The following CLTC variants were observed in gnomAD, a reference collection of about 807,000 sequenced individuals.
CLTC encodes clathrin heavy chain 1.
In CLTC, 16 loss-of-function variants were observed where a neutral mutation model predicts 195.8. That is an observed-to-expected ratio of 0.08 (90% CI 0.06 to 0.12). CLTC has a LOEUF of 0.12. CLTC is among the 10% of genes least tolerant of loss of function. The pLI, the probability that CLTC is intolerant of heterozygous loss-of-function variation, is 1.00. For missense variants in CLTC, 796 were observed against 2,027.0 expected, an observed-to-expected ratio of 0.39 and a Z score of 11.66; for synonymous variants, 667 against 689.4, an observed-to-expected ratio of 0.97 and a Z score of 0.51.
At chr17:59,620,215 G>T (rs201757012) in intron 1 of CLTC, 42 bp downstream of exon 1, 5 of 1,609,944 alleles carry the variant, frequency 3.1e-6, no homozygotes, top group Admixed American at 3.3e-5. Flanking sequence ...GGAGAAGGTG[G>T]TAGGAAGGAT....
chr17:59,661,138 T>G (rs1316440956), intron 7 of CLTC, among the ~76,000 whole-genome samples: 1 of 152,192 alleles, frequency 6.6e-6, no homozygotes, highest in Non-Finnish European at 1.5e-5. Context: ...TCTTACACAC[T>G]GACATTGTAA....
chr17:59,644,447 A>G lies in CLTC; in HGVS notation c.214A>G (p.Ile72Val), dbSNP rs778967128. The part of the protein sequence containing the change: ...IRRPISADSA[I>V]MNPASKVIAL... ...AAGACCAATTTCAGCAGACAGCGCC[A>G]TCATGAATCCAGCTAGCAAAGTAAT... The change falls in exon 2 of 32, where the codon ATC (isoleucine) becomes GTC (valine). Residue 72 changes from isoleucine to valine, a missense_variant. This residue lies in a region of CLTC where 293 missense variants were observed against 795.6 expected (regional missense o/e 0.37). Coordinates refer to ENST00000269122, the MANE Select transcript of CLTC (RefSeq NM_004859.4). 11 of 1,614,140 alleles carry G rather than the reference A, an allele frequency of 6.8e-6. No homozygotes were observed. In the Middle Eastern group the frequency reaches 6.6e-4, roughly 97 times the overall value.
chr17:59,693,698 C>T, intron 31 of CLTC, 30 bp from the exon 32 acceptor site: 3 of 1,601,108 alleles, frequency 1.9e-6, no homozygotes, highest in Middle Eastern at 1.8e-4. Flanking sequence ...GCCCCTGCCC[C>T]CTGCTCCTTT....
intron 1 of CLTC, among the ~76,000 whole-genome samples, chr17:59,631,353 T>C (rs2031709457): frequency 6.6e-6 from 1 of 152,230 alleles, no homozygotes; most frequent in Admixed American, 6.5e-5. Flanking sequence ...CTCTCTGCAT[T>C]AGTGTAGTGT....
intron 2 of CLTC, chr17:59,645,999 GCTTT>G: frequency 1.2e-6 from 1 of 826,436 alleles, no homozygotes. Flanking sequence ...ATTTCTTAAT[GCTTT>G]CTTATGTGTG....
intron 4 of CLTC, among the ~76,000 whole-genome samples, chr17:59,650,173 A>G (rs1206633844): frequency 6.6e-6 from 1 of 152,146 alleles, no homozygotes; most frequent in Non-Finnish European, 1.5e-5. Context: ...GTACTTTTTC[A>G]TTGAGATTAT....
Position 59,677,104 on chromosome 17 carries a change from T to C in CLTC, c.2712T>C (p.Val904=). 6.2e-7 allele frequency: 1 copy of C among 1,614,088 alleles called. No individual in the cohort carries two copies. Among genetic ancestry groups the C allele is most frequent in the Non-Finnish European group, 8.5e-7 (1 of 1,180,006 alleles). The change falls in exon 17 of 32, where the codon GTT becomes GTC. Residue 904 remains valine, a synonymous_variant. Transcript: ENST00000269122. ...AAAATCCCTACTATGACAGTCGCGT[T>C]GTTGGAAAGTATTGTGAGAAGAGAG... is the stretch of plus-strand genomic sequence containing the variant. ...LRENPYYDSR[V]VGKYCEKRDP... is the part of the protein sequence containing the mutation.
At chr17:59,625,274 AT>A (rs201218334) in intron 1 of CLTC, among the ~76,000 whole-genome samples, 179 of 148,274 alleles carry the variant, frequency 1.2e-3, no homozygotes, top group African/African-American at 4.1e-3. Flanking sequence ...ACGCCCAGCT[AT>A]TTTTTTTTTA....
chr17:59,676,077 G>C (rs921475582), intron 16 of CLTC, among the ~76,000 whole-genome samples: 1 of 151,500 alleles, frequency 6.6e-6, no homozygotes, highest in Admixed American at 6.6e-5. Flanking sequence ...GTAGTGGCTT[G>C]TGCCTGTAGT....
intron 5 of CLTC, among the ~76,000 whole-genome samples, chr17:59,653,783 T>G (rs1464093000): frequency 6.6e-6 from 1 of 151,952 alleles, no homozygotes; most frequent in Non-Finnish European, 1.5e-5. Context: ...CTGGTCTTTT[T>G]TTTTTTTTTG....
chr17:59,629,267 C>G (rs991490917), intron 1 of CLTC, among the ~76,000 whole-genome samples: 2 of 152,210 alleles, frequency 1.3e-5, no homozygotes, highest in Admixed American at 1.3e-4. Flanking sequence ...GAAAGAGTCT[C>G]CTTATTAAAA....
In CLTC at chr17:59,665,765, G is replaced by A. The variant is rs564474795; in HGVS notation, c.1645-338G>A. On this transcript the variant is annotated intron_variant, in intron 10 of 31. Transcript: ENST00000269122. ...TGAGGCAGGAGAATCGCTTGAACCCGGGAGGTGGAGGTTGCAGTGAGCTGA... is the reference window on the plus strand; with the variant it reads ...TGAGGCAGGAGAATCGCTTGAACCCAGGAGGTGGAGGTTGCAGTGAGCTGA... Among the ~76,000 whole-genome samples, 8 of 152,210 alleles carry A rather than the reference G, an allele frequency of 5.3e-5. No individual in the cohort carries two copies. In the East Asian group the frequency reaches 1.2e-3, roughly 22 times the overall value.
In CLTC at chr17:59,681,623, C is replaced by G. The variant is rs200150712; in HGVS notation, c.3250-24C>G. On this transcript the variant is annotated intron_variant, in intron 20 of 31. Transcript: ENST00000269122. The surrounding 1 kb of genome is among the most constrained non-coding windows in gnomAD (Gnocchi z 5.0). The stretch of plus-strand genomic sequence containing the variant: ...GGGTAGGATTGATTTTACTCTAACC[C>G]TAATTTCAAACTTGGATACTTAGGT... The G allele has an allele frequency of 6.3e-7, 1 of 1,597,734 alleles. No homozygotes were observed.
chr17:59,653,233 G>A (rs988223802), intron 5 of CLTC, among the ~76,000 whole-genome samples: 29 of 150,132 alleles, frequency 1.9e-4, no homozygotes, highest in Admixed American at 1.5e-3. Flanking sequence ...TCTCTCTGTC[G>A]CCCAGGCTGG....
intron 10 of CLTC, among the ~76,000 whole-genome samples, chr17:59,665,164 G>T (rs2032699812): frequency 6.6e-6 from 1 of 151,852 alleles, no homozygotes; most frequent in South Asian, 2.1e-4. Context: ...GGTCGAGGCT[G>T]CAGTGAGCTA....
At chr17:59,659,217 T>C (rs1346418540) in intron 6 of CLTC, among the ~76,000 whole-genome samples, 1 of 152,036 alleles carries the variant, frequency 6.6e-6, no homozygotes, top group Non-Finnish European at 1.5e-5. Context: ...TGGGGTAATA[T>C]GAGTAGTTTA....
At position 59,644,492 on chromosome 17, in the gene CLTC, G is replaced by T. The variant is rs779664196; in HGVS notation, c.250+9G>T. The T allele has an allele frequency of 7.5e-6, 12 of 1,603,600 alleles. No individual in the cohort carries two copies. The highest frequency in any genetic ancestry group is 8.5e-6 in the Non-Finnish European group (10 of 1,171,752). On this transcript the variant is annotated intron_variant, in intron 2 of 31. Transcript: ENST00000269122. ...AGTAATTGCACTGAAAGGTATAAAA[G>T]AATGTGGGTTTTCCTTAAAACTCTT... is the stretch of plus-strand genomic sequence containing the variant.
intron 8 of CLTC, among the ~76,000 whole-genome samples, chr17:59,663,036 A>G (rs1447892905): frequency 6.6e-6 from 1 of 152,194 alleles, no homozygotes; most frequent in Non-Finnish European, 1.5e-5. Context: ...GTCATATGGG[A>G]CCATTTGTGG....
At chr17:59,672,689 C>T (rs1184689271) in intron 14 of CLTC, among the ~76,000 whole-genome samples, 1 of 152,112 alleles carries the variant, frequency 6.6e-6, no homozygotes, top group Non-Finnish European at 1.5e-5. Flanking sequence ...GTTCTTGGGA[C>T]ACTTCATAGA....
Sources: allele counts gnomAD v4.1 joint callset (sites outside exome capture counted in the v4.1 genomes callset), GRCh38; gene constraint gnomAD v4.1.1; regional missense constraint gnomAD v4.1.1; non-coding constraint Gnocchi (gnomAD v3.1); transcripts MANE v1.5; gene names NCBI Gene and HGNC (gene_info 2026-07-23, HGNC 2026-07-21).